The following MALRD1 variants were observed in gnomAD, a reference collection of about 807,000 sequenced individuals.
MALRD1 encodes MAM and LDL-receptor class A domain-containing protein 1.
In MALRD1, 247 loss-of-function variants were observed where a neutral mutation model predicts 242.1. The observed-to-expected ratio is 1.02, with a 90% confidence interval of 0.92 to 1.13. MALRD1 has a LOEUF of 1.13. MALRD1 is among the 50% of genes most tolerant of loss of function. The pLI, the probability that MALRD1 is intolerant of heterozygous loss-of-function variation, is 0.00. For missense variants in MALRD1, 2,989 were observed against 2,533.1 expected (o/e 1.18, Z -3.86); for synonymous variants, 995 against 866.6 (o/e 1.15, Z -2.60).
chr10:19,529,012 A>G (rs1451749263), intron 31 of MALRD1, among the ~76,000 whole-genome samples: 1 of 152,164 alleles, frequency 6.6e-6, no homozygotes, highest in Non-Finnish European at 1.5e-5. Flanking sequence ...CAAGTTTGAG[A>G]GATAACAGTG....
chr10:19,711,349 A>G (rs1242049493), intron 38 of MALRD1: 4 of 152,212 alleles, frequency 2.6e-5, no homozygotes, highest in African/African-American at 9.6e-5. Flanking sequence ...ATATTTTTTG[A>G]CAAACATCTG....
intron 18 of MALRD1, among the ~76,000 whole-genome samples, chr10:19,239,136 G>C (rs906493670): frequency 2.0e-5 from 3 of 151,560 alleles, no homozygotes; most frequent in Non-Finnish European, 4.4e-5. Flanking sequence ...GGGGCTCACG[G>C]CAACCTCCAT....
At chr10:19,588,403 T>C in intron 33 of MALRD1, among the ~76,000 whole-genome samples, 1 of 152,210 alleles carries the variant, frequency 6.6e-6, no homozygotes, top group Admixed American at 6.5e-5. Flanking sequence ...GTCAGTGTAT[T>C]CTCAAAGAGA....
At chr10:19,672,879 A>G (rs961643307) in intron 36 of MALRD1, among the ~76,000 whole-genome samples, 8 of 152,166 alleles carry the variant, frequency 5.3e-5, no homozygotes, top group African/African-American at 1.9e-4. Flanking sequence ...CATTAATAGG[A>G]AAACAGTTTT....
intron 38 of MALRD1, among the ~76,000 whole-genome samples, chr10:19,720,994 C>G (rs1243753824): frequency 6.7e-6 from 1 of 149,586 alleles, no homozygotes; most frequent in African/African-American, 2.5e-5. Context: ...ACCAGAAAAC[C>G]TATTTCCTTA....
chr10:19,700,174 A>G (rs1463229652), intron 38 of MALRD1, among the ~76,000 whole-genome samples: 2 of 152,114 alleles, frequency 1.3e-5, no homozygotes, highest in African/African-American at 4.8e-5. Context: ...TTGACAAGTA[A>G]CAAGTTACCG....
intron 22 of MALRD1, 80 bp from the exon 23 acceptor site, chr10:19,327,483 A>T (rs1157021075): frequency 1.8e-6 from 2 of 1,136,212 alleles, no homozygotes; most frequent in Admixed American, 2.6e-5. Context: ...AAAAAAAAAA[A>T]ATCACTGGAA....
At chr10:19,675,896 G>C (rs539726962) in intron 36 of MALRD1, among the ~76,000 whole-genome samples, 1 of 152,310 alleles carries the variant, frequency 6.6e-6, no homozygotes, top group South Asian at 2.1e-4. Flanking sequence ...AGTTTGCTGG[G>C]TTCCATGAGA....
intron 36 of MALRD1, among the ~76,000 whole-genome samples, chr10:19,654,697 A>G (rs1339888697): frequency 6.6e-6 from 1 of 152,214 alleles, no homozygotes; most frequent in Non-Finnish European, 1.5e-5. Flanking sequence ...GAAAGAAACT[A>G]CCTTTGTTGT....
chr10:19,161,010 C>T lies in MALRD1; in HGVS notation c.1657-4627C>T, dbSNP rs987754086. ...CAGCCATCCCATTACTGGGTATATA[C>T]CCAAATGAGTATAAATCATGCTGCT... On this transcript the variant is annotated intron_variant, in intron 12 of 39. Transcript: ENST00000454679. Among the ~76,000 whole-genome samples, 5 of 151,642 alleles carry T rather than the reference C, an allele frequency of 3.3e-5. No homozygotes were observed. The East Asian group carries it at 9.7e-4, about 29-fold the overall frequency.
rs141792499 is a variant in MALRD1 at position 19,235,942 on chromosome 10, G to C, written c.2992-21742G>C. Among the ~76,000 whole-genome samples, 1,114 of 152,130 alleles carry C rather than the reference G, an allele frequency of 7.3e-3. 4 individuals carry two copies. The highest frequency in any genetic ancestry group is 0.012 in the South Asian group (60 of 4,818). ...GGTTGGGACAATAAAGAAAGAAATT[G>C]GTTGAAGACTAGGGGAAGAGTATAG... is the stretch of plus-strand genomic sequence containing the variant. On this transcript the variant is annotated intron_variant, in intron 18 of 39. Coordinates refer to ENST00000454679, the MANE Select transcript of MALRD1 (RefSeq NM_001142308.3).
In MALRD1 at chr10:19,504,886, G is replaced by T. The variant is rs549222778; in HGVS notation, c.5320+6240G>T. ...TTTAGTAGAGACGGGGTTTCACCTTGTTAGCCAGGATGGTCTCGATCTCCT... is the reference window on the plus strand; with the variant it reads ...TTTAGTAGAGACGGGGTTTCACCTTTTTAGCCAGGATGGTCTCGATCTCCT... On this transcript the variant is annotated intron_variant, in intron 31 of 39. Transcript: ENST00000454679. 3.3e-5 allele frequency among the ~76,000 whole-genome samples: 5 copies of T among 151,252 alleles called. No individual in the cohort carries two copies. In the East Asian group the frequency reaches 9.8e-4, roughly 30 times the overall value.
chr10:19,383,842 T>C (rs1172014936), intron 26 of MALRD1, among the ~76,000 whole-genome samples: 1 of 151,668 alleles, frequency 6.6e-6, no homozygotes. Flanking sequence ...AAAATGGAAA[T>C]AGTACATTCT....
rs1033007603 is a variant in MALRD1, at chr10:19,673,584, T to G, written c.6138-18698T>G. On this transcript the variant is annotated intron_variant, in intron 36 of 39. Coordinates refer to ENST00000454679, the MANE Select transcript of MALRD1 (RefSeq NM_001142308.3). The stretch of plus-strand genomic sequence containing the variant: ...CTTCTGTGCATAAGATTTTTTGAGC[T>G]TCTATTACTAGGCAAATATTGGCTT... Among the ~76,000 whole-genome samples, 4 of 152,260 alleles carry G rather than the reference T, an allele frequency of 2.6e-5. No individual in the cohort carries two copies. In the South Asian group the frequency reaches 8.3e-4, roughly 31 times the overall value.
rs150653160 is a variant in MALRD1, at chr10:19,402,904, G to A, written c.4845+13295G>A. 2.8e-3 allele frequency among the ~76,000 whole-genome samples: 432 copies of A among 152,066 alleles called. 4 individuals carry two copies. The highest frequency in any genetic ancestry group is 9.8e-3 in the African/African-American group (406 of 41,490). ...CCAGATTGAATATTTTCCCTTCTGC[G>A]TCTTGTCACTTACTACCACTACCTT... is the stretch of plus-strand genomic sequence containing the variant. On this transcript the variant is annotated intron_variant, in intron 28 of 39. Coordinates refer to ENST00000454679, the MANE Select transcript of MALRD1 (RefSeq NM_001142308.3).
At chr10:19,712,235 G>A (rs1834158291) in intron 38 of MALRD1, among the ~76,000 whole-genome samples, 1 of 152,166 alleles carries the variant, frequency 6.6e-6, no homozygotes, top group Non-Finnish European at 1.5e-5. Flanking sequence ...AATTGACTAG[G>A]AATTTAATAG....
Position 19,498,588 on chromosome 10 carries a change from G to A in MALRD1, c.5262G>A (p.Trp1754Ter), listed in dbSNP as rs1195287873. ...AAGACTCTGAGGATGACTTGGACTGGGCCATTGGCAGCAGAATTCCTGCCA... is the reference window on the plus strand; with the variant it reads ...AAGACTCTGAGGATGACTTGGACTGAGCCATTGGCAGCAGAATTCCTGCCA... ...LTQDSEDDLD[W>*]AIGSRIPAKA... Residue 1754 changes from tryptophan (W) to a stop codon, truncating the protein, a stop_gained, in exon 31 of 40, where the codon TGG becomes TGA. Coordinates refer to ENST00000454679, the MANE Select transcript of MALRD1 (RefSeq NM_001142308.3). LOFTEE classifies it high-confidence loss of function. 1.3e-6 allele frequency: 2 copies of A among 1,550,076 alleles called. No individual in the cohort carries two copies. Among genetic ancestry groups the A allele is most frequent in the Non-Finnish European group, 1.7e-6 (2 of 1,146,806 alleles).
chr10:19,522,281 T>G (rs1833916157), intron 31 of MALRD1, among the ~76,000 whole-genome samples: 1 of 152,140 alleles, frequency 6.6e-6, no homozygotes, highest in South Asian at 2.1e-4. Context: ...AATACTTCAT[T>G]GTACCATTGT....
At chr10:19,388,114 A>G (rs951139876) in intron 27 of MALRD1, among the ~76,000 whole-genome samples, 1 of 152,082 alleles carries the variant, frequency 6.6e-6, no homozygotes, top group African/African-American at 2.4e-5. Flanking sequence ...TGGCTTGTGT[A>G]TGGTGGTTTT....
Sources: gnomAD v4.1 joint callset for allele counts (sites outside exome capture counted in the v4.1 genomes callset) on GRCh38, gnomAD v4.1.1 for gene constraint, MANE v1.5 for transcripts, NCBI Gene and HGNC (gene_info 2026-07-23, HGNC 2026-07-21) for gene names.